The following AHRR variants were observed in gnomAD, a reference collection of about 807,000 sequenced individuals.
The protein encoded by AHRR is aryl hydrocarbon receptor repressor.
Under a neutral mutation model 44.0 loss-of-function variants are expected in AHRR, and 28 were observed. That is an observed-to-expected ratio of 0.64 (90% CI 0.47 to 0.87). AHRR has a LOEUF of 0.87. AHRR is among the 40% of genes least tolerant of loss of function. The pLI, the probability that AHRR is intolerant of heterozygous loss-of-function variation, is 0.00. For missense variants in AHRR, 990 were observed against 953.9 expected, an observed-to-expected ratio of 1.04 and a Z score of -0.50; for synonymous variants, 434 against 407.0, an observed-to-expected ratio of 1.07 and a Z score of -0.80.
chr5:393,274 C>A (rs559283777), intron 4 of AHRR, among the ~76,000 whole-genome samples: 2 of 152,354 alleles, frequency 1.3e-5, no homozygotes, highest in Admixed American at 1.3e-4. Flanking sequence ...TTGACTGTGT[C>A]TGAAGCTTAA....
intron 4 of AHRR, 58 bp from the exon 5 acceptor site, chr5:413,286 C>A (rs1175406818): frequency 7.7e-7 from 1 of 1,293,886 alleles, no homozygotes; most frequent in South Asian, 1.3e-5. Context: ...GATTCTTGCA[C>A]TTTTTCATTT....
At chr5:423,701 G>T in intron 6 of AHRR, 140 bp from the exon 7 acceptor site, 1 of 1,189,542 alleles carries the variant, frequency 8.4e-7, no homozygotes, top group Non-Finnish European at 1.1e-6. Flanking sequence ...GACATCTAGA[G>T]GGATGCTGGG....
intron 3 of AHRR, among the ~76,000 whole-genome samples, chr5:360,428 C>T (rs6555205): frequency 0.51 from 77,265 of 152,082 alleles, 19,933 homozygotes; most frequent in Non-Finnish European, 0.54. Context: ...GCACTACATG[C>T]CACATACCTA....
At chr5:407,444 C>T (rs913840417) in intron 4 of AHRR, among the ~76,000 whole-genome samples, 6 of 152,182 alleles carry the variant, frequency 3.9e-5, no homozygotes, top group Non-Finnish European at 7.3e-5. Flanking sequence ...GCTTTCTCTA[C>T]AATTATGTAC....
intron 1 of AHRR, among the ~76,000 whole-genome samples, chr5:340,298 C>G (rs951229862): frequency 7.2e-5 from 11 of 151,946 alleles, no homozygotes; most frequent in Non-Finnish European, 1.6e-4. Context: ...TAGTATTTGT[C>G]TTACTCTGCT....
chr5:404,192 C>A lies in AHRR; in HGVS notation c.352-9152C>A. On this transcript the variant is annotated intron_variant, in intron 4 of 10. Coordinates refer to ENST00000684583, the MANE Select transcript of AHRR (RefSeq NM_001377236.1). This position sits in a 1 kb window ranked among gnomAD's most constrained non-coding sequence, Gnocchi z 4.1. ...ATTCCTGTCACGAGCTGGTCTTCTGCAGCCTTTGAACCCGTCGCAGCTCTC... is the reference window on the plus strand; with the variant it reads ...ATTCCTGTCACGAGCTGGTCTTCTGAAGCCTTTGAACCCGTCGCAGCTCTC... 1.9e-6 allele frequency: 1 copy of A among 533,786 alleles called. No individual in the cohort carries two copies. The highest frequency in any genetic ancestry group is 1.6e-5 in the South Asian group (1 of 62,798). The allele number at this position is 533,786 out of a possible 1,614,324, so 33.1% of individuals were successfully genotyped here.
intron 2 of AHRR, among the ~76,000 whole-genome samples, chr5:345,483 T>G (rs1579605730): frequency 9.3e-6 from 1 of 107,122 alleles, no homozygotes; most frequent in Non-Finnish European, 2.0e-5. Context: ...TGGCTGTGTG[T>G]GGGGATGTGT....
At position 388,384 on chromosome 5, in the gene AHRR, A is replaced by G. The variant is rs1053046360; in HGVS notation, c.351+11668A>G. ...CTCACGCAGCCATCCATCGATGGCT[A>G]TGGGGAGGGTACCTGCCATTACCTC... is the stretch of plus-strand genomic sequence containing the variant. On this transcript the variant is annotated intron_variant, in intron 4 of 10. Transcript: ENST00000684583. The surrounding 1 kb of genome is among the most constrained non-coding windows in gnomAD (Gnocchi z 5.2). Among the ~76,000 whole-genome samples the G allele has an allele frequency of 2.9e-4, 44 of 152,184 alleles. No individual in the cohort carries two copies. The highest frequency in any genetic ancestry group is 1.1e-3 in the African/African-American group (44 of 41,458).
rs1376115321 is a variant in AHRR, at chr5:434,673, ACCT to A, written c.1934_1936del (p.Thr645_Cys646delinsSer). The A allele has an allele frequency of 6.4e-7, 1 of 1,568,670 alleles. No homozygotes were observed. The highest frequency in any genetic ancestry group is 1.4e-5 in the African/African-American group (1 of 73,844). On this transcript the variant is annotated inframe_deletion, in exon 11 of 11. Transcript: ENST00000684583. ...ACGGGGCCGAGGTGAACAGTCCTGC[ACCT>A]GCAGAGCTGCTGAGGCCGCCCCTGT...
rs1453219540 is a variant in AHRR, at chr5:405,418, A to G, written c.352-7926A>G. 6.6e-6 allele frequency among the ~76,000 whole-genome samples: 1 copy of G among 152,110 alleles called. No homozygotes were observed. The highest frequency in any genetic ancestry group is 2.4e-5 in the African/African-American group (1 of 41,408). On this transcript the variant is annotated intron_variant, in intron 4 of 10. Transcript: ENST00000684583. The surrounding 1 kb of genome is among the most constrained non-coding windows in gnomAD (Gnocchi z 4.5). ...GCCAAACCGTATAAAGCATTGGCCTATTTTGTCACCGTGGAGCAGCCTATG... is the reference window on the plus strand; with the variant it reads ...GCCAAACCGTATAAAGCATTGGCCTGTTTTGTCACCGTGGAGCAGCCTATG...
rs1735972753 is a variant in AHRR, at chr5:419,483, T to C, written c.442-3246T>C. 6.6e-6 allele frequency among the ~76,000 whole-genome samples: 1 copy of C among 152,166 alleles called. No individual in the cohort carries two copies. On this transcript the variant is annotated intron_variant, in intron 5 of 10. Transcript: ENST00000684583. The surrounding 1 kb of genome is among the most constrained non-coding windows in gnomAD (Gnocchi z 4.4). ...TGCCCGGCTGAGAGTTTTAGTCTTT[T>C]AAGCAACATTTATAAATGAAGAAAT...
At position 398,140 on chromosome 5, in the gene AHRR, T is replaced by TTAGCCCCTGACCATCCACG. The variant is rs1431183364; in HGVS notation, c.352-15180_352-15162dup. ...TCCACGTAGCTCCTGACCGTCCATG[T>TTAGCCCCTGACCATCCACG]TAGCCCCTGACCATCCACGTAGCCC... On this transcript the variant is annotated intron_variant, in intron 4 of 10. Transcript: ENST00000684583. Among the ~76,000 whole-genome samples, 52 of 113,996 alleles carry TTAGCCCCTGACCATCCACG rather than the reference T, an allele frequency of 4.6e-4. 10 individuals are homozygous for TTAGCCCCTGACCATCCACG. The highest frequency in any genetic ancestry group is 4.3e-3 in the Admixed American group (46 of 10,810). The allele number at this position is 113,996 out of a possible 152,430, so 74.8% of individuals were successfully genotyped here.
chr5:426,508 GTGAA>G (rs1347539695), intron 7 of AHRR, among the ~76,000 whole-genome samples: 2 of 149,932 alleles, frequency 1.3e-5, no homozygotes, highest in Non-Finnish European at 3.0e-5. Context: ...GGATGGATGA[GTGAA>G]TGGATGAATG....
At chr5:335,313 C>G (rs1239721691) in intron 1 of AHRR, among the ~76,000 whole-genome samples, 1 of 152,100 alleles carries the variant, frequency 6.6e-6, no homozygotes. Flanking sequence ...GTCCCAAGCT[C>G]TGTGTGCATG....
intron 3 of AHRR, 106 bp downstream of exon 3, chr5:354,017 C>A: frequency 8.3e-7 from 1 of 1,199,384 alleles, no homozygotes; most frequent in Non-Finnish European, 1.2e-6. Context: ...TGGGTTGCAC[C>A]ATGTGCACTC....
At chr5:412,715 CTT>C (rs11285209) in intron 4 of AHRR, among the ~76,000 whole-genome samples, 12,875 of 96,718 alleles carry the variant, frequency 0.13, 395 homozygotes, top group Non-Finnish European at 0.2. Flanking sequence ...CTCTCTCTCT[CTT>C]TTTTTTTTTT....
intron 1 of AHRR, among the ~76,000 whole-genome samples, chr5:341,513 C>G (rs1280768676): frequency 2.1e-5 from 3 of 140,824 alleles, no homozygotes; most frequent in Non-Finnish European, 4.6e-5. Context: ...CCCTCCTTTC[C>G]TTTCCTTTCC....
intron 4 of AHRR, among the ~76,000 whole-genome samples, chr5:393,340 C>G (rs1294327892): frequency 2.6e-5 from 4 of 152,252 alleles, no homozygotes; most frequent in Non-Finnish European, 5.9e-5. Context: ...TCATCCAGCC[C>G]AGGGCACCCG....
intron 4 of AHRR, among the ~76,000 whole-genome samples, chr5:381,302 C>T (rs1733971668): frequency 6.6e-6 from 1 of 152,156 alleles, no homozygotes; most frequent in Admixed American, 6.5e-5. Context: ...TGAACCATCA[C>T]ATAGATTATA....
Sources: gnomAD v4.1 joint callset for allele counts (sites outside exome capture counted in the v4.1 genomes callset) on GRCh38, gnomAD v4.1.1 for gene constraint, Gnocchi (gnomAD v3.1) non-coding constraint, MANE v1.5 for transcripts, NCBI Gene and HGNC (gene_info 2026-07-23, HGNC 2026-07-21) for gene names.